The following PCIF1 variants were observed in gnomAD, a reference collection of about 807,000 sequenced individuals.
PCIF1 encodes phosphorylated CTD interacting factor 1, also known as mRNA (2'-O-methyladenosine-N(6)-)-methyltransferase.
PCIF1 carries 12 observed loss-of-function variants against 86.9 expected under a neutral mutation model. The ratio of observed to expected loss-of-function variants is 0.14; its 90% confidence interval spans 0.09 to 0.22. PCIF1 has a LOEUF of 0.22. PCIF1 is among the 10% of genes least tolerant of loss of function. The pLI, the probability that PCIF1 is intolerant of heterozygous loss-of-function variation, is 1.00. For missense variants in PCIF1, 701 were observed against 951.1 expected, an observed-to-expected ratio of 0.74 and a Z score of 3.46; for synonymous variants, 397 against 372.0, an observed-to-expected ratio of 1.07 and a Z score of -0.77.
Position 45,945,776 on chromosome 20 carries a change from T to C in PCIF1, c.1234T>C (p.Ser412Pro). Residue 412 changes from serine (S) to proline (P), a missense_variant, in exon 12 of 17, where the codon TCT (serine) becomes CCT (proline). By Grantham distance (74) the Ser-to-Pro change is moderately conservative. Coordinates refer to ENST00000372409, the MANE Select transcript of PCIF1 (RefSeq NM_022104.4). Reference protein sequence around the residue: ...VYCYPVRLAVSAPPMPSVEMH... With the variant: ...VYCYPVRLAVPAPPMPSVEMH... Reference sequence around the variant, plus strand: ...CTGCTACCCAGTCCGGCTGGCTGTGTCTGCACCGCCCATGCCCAGCGTGGA... The same window carrying C: ...CTGCTACCCAGTCCGGCTGGCTGTGCCTGCACCGCCCATGCCCAGCGTGGA... 1 of 1,613,936 alleles carries C rather than the reference T, an allele frequency of 6.2e-7. No homozygotes were observed. The highest frequency in any genetic ancestry group is 8.5e-7 in the Non-Finnish European group (1 of 1,180,030).
rs568412072 is a variant in PCIF1, at chr20:45,947,695, G to C, written c.2055G>C (p.Glu685Asp). ...GTTCTTCCTCATCGTCCTCCTCGGA[G>C]GCCAAGGACCGGGACTCGGGCCGTG... ...SSGSSSSSSS[E>D]AKDRDSGREQ... is the part of the protein sequence containing the mutation. The change falls in exon 17 of 17, where the codon GAG (glutamate) becomes GAC (aspartate). Residue 685 changes from glutamate to aspartate, a missense_variant. Physicochemically the swap from Glu to Asp is conservative, Grantham distance 45 (BLOSUM62 2). Transcript: ENST00000372409. The surrounding 1 kb of genome is among the most constrained non-coding windows in gnomAD (Gnocchi z 5.4). 1.2e-6 allele frequency: 2 copies of C among 1,609,356 alleles called. No homozygotes were observed. The highest frequency in any genetic ancestry group is 2.7e-5 in the African/African-American group (2 of 75,012).
Position 45,943,970 on chromosome 20 carries a change from AT to A in PCIF1, c.1005+208del, listed in dbSNP as rs2083499144. Among the ~76,000 whole-genome samples, 1 of 152,084 alleles carries A rather than the reference AT, an allele frequency of 6.6e-6. No individual in the cohort carries two copies. The highest frequency in any genetic ancestry group is 2.1e-4 in the South Asian group (1 of 4,828). On this transcript the variant is annotated intron_variant, in intron 10 of 16. Coordinates refer to ENST00000372409, the MANE Select transcript of PCIF1 (RefSeq NM_022104.4). This position sits in a 1 kb window ranked among gnomAD's most constrained non-coding sequence, Gnocchi z 5.5. ...GGCTCCTGGCTTTCTCCCACAGAAC[AT>A]TTCCATTAACAATCTTAATGGAGTC... is the stretch of plus-strand genomic sequence containing the variant.
Position 45,947,775 on chromosome 20 carries a change from G to C in PCIF1, c.*20G>C, listed in dbSNP as rs763212217. 7.6e-6 allele frequency: 12 copies of C among 1,588,600 alleles called. No individual in the cohort carries two copies. Among genetic ancestry groups the C allele is most frequent in the Non-Finnish European group, 9.4e-6 (11 of 1,171,422 alleles). On this transcript the variant is annotated 3_prime_UTR_variant, in exon 17 of 17. Coordinates refer to ENST00000372409, the MANE Select transcript of PCIF1 (RefSeq NM_022104.4). The surrounding 1 kb of genome is among the most constrained non-coding windows in gnomAD (Gnocchi z 5.4). ...ACTTAACATATCCTGCGGGGAGGAG[G>C]AGCCCCAGGGGTGCTAGTCTGGACT...
intron 5 of PCIF1, 46 bp from the exon 6 acceptor site, chr20:45,940,763 C>T (rs368879257): frequency 3.1e-6 from 5 of 1,604,262 alleles, no homozygotes; most frequent in African/African-American, 1.3e-5. Context: ...GATGGAGCCT[C>T]TCTGGTGAAT....
In PCIF1 at chr20:45,943,804, T is replaced by G; in HGVS notation, c.1005+39T>G. The G allele has an allele frequency of 1.3e-6, 2 of 1,506,882 alleles. No homozygotes were observed. The highest frequency in any genetic ancestry group is 1.8e-6 in the Non-Finnish European group (2 of 1,109,070). 93.3% of individuals were successfully genotyped at this position (1,506,882 alleles called of 1,614,324 possible). On this transcript the variant is annotated intron_variant, in intron 10 of 16. Coordinates refer to ENST00000372409, the MANE Select transcript of PCIF1 (RefSeq NM_022104.4). This position sits in a 1 kb window ranked among gnomAD's most constrained non-coding sequence, Gnocchi z 5.5. ...CGGGTGAGAAGGCCAGTTTTAGGGC[T>G]CTGTGGCCACTTCCTCCAGGAAGCC... is the stretch of plus-strand genomic sequence containing the variant.
At chr20:45,938,018 T>G (rs565560433) in intron 2 of PCIF1, 1 of 153,882 alleles carries the variant, frequency 6.5e-6, no homozygotes, top group Admixed American at 6.5e-5. Flanking sequence ...GGCAAAAGTT[T>G]GATTTCTTTT....
Position 45,939,227 on chromosome 20 carries a change from A to C in PCIF1, c.137A>C (p.His46Pro). ...LVQDLPEELV[H>P]AGWEKCWSRR... Reference sequence around the variant, plus strand: ...TGCCTGTTTGCAGAGGAGCTGGTGCATGCAGGCTGGGAGAAGTGCTGGAGC... The same window carrying C: ...TGCCTGTTTGCAGAGGAGCTGGTGCCTGCAGGCTGGGAGAAGTGCTGGAGC... Residue 46 changes from histidine (H) to proline (P), a missense_variant, in exon 4 of 17, where the codon CAT becomes CCT. His to Pro is a moderately conservative substitution (Grantham distance 77). Transcript: ENST00000372409. 6.2e-7 allele frequency: 1 copy of C among 1,613,950 alleles called. No homozygotes were observed.
intron 1 of PCIF1, among the ~76,000 whole-genome samples, chr20:45,935,228 C>T (rs1239630538): frequency 1.3e-5 from 2 of 151,706 alleles, no homozygotes; most frequent in African/African-American, 4.8e-5. Flanking sequence ...TCGCCTCTCG[C>T]CTTCGTGCGC....
rs2083461057 is a variant in PCIF1 at position 45,940,614 on chromosome 20, T to C, written c.387+2T>C. The C allele has an allele frequency of 6.2e-7, 1 of 1,608,228 alleles. No individual in the cohort carries two copies. Among genetic ancestry groups the C allele is most frequent in the Non-Finnish European group, 8.5e-7 (1 of 1,177,050 alleles). ...GGCAATGGTGTGAAGAAGCCCAAGGTGAGTGTCTGTGGCCAGGAGCCGGCT... is the reference window on the plus strand; with the variant it reads ...GGCAATGGTGTGAAGAAGCCCAAGGCGAGTGTCTGTGGCCAGGAGCCGGCT... On this transcript the variant is annotated splice_donor_variant, in intron 5 of 16. Coordinates refer to ENST00000372409, the MANE Select transcript of PCIF1 (RefSeq NM_022104.4). LOFTEE classifies it high-confidence loss of function.
chr20:45,939,552 C>G (rs968829490), intron 4 of PCIF1, among the ~76,000 whole-genome samples: 1 of 152,218 alleles, frequency 6.6e-6, no homozygotes, highest in African/African-American at 2.4e-5. Flanking sequence ...GGCTGCTGCA[C>G]GGTGGGTGCT....
At chr20:45,940,663 C>T in intron 5 of PCIF1, 51 bp downstream of exon 5, 1 of 1,577,090 alleles carries the variant, frequency 6.3e-7, no homozygotes, top group African/African-American at 1.4e-5. Flanking sequence ...CTCAGACGGG[C>T]CGCCTGCAGG....
chr20:45,937,868 C>T, intron 2 of PCIF1: 1 of 305,196 alleles, frequency 3.3e-6, no homozygotes, highest in Non-Finnish European at 6.0e-6. Flanking sequence ...ATCAGTGTCC[C>T]AATGATTCGT....
At chr20:45,944,312 G>T (rs1011117070) in intron 10 of PCIF1, among the ~76,000 whole-genome samples, 1 of 152,194 alleles carries the variant, frequency 6.6e-6, no homozygotes, top group Non-Finnish European at 1.5e-5. Flanking sequence ...CACGTAGAGA[G>T]TGACAAAGGT....
Position 45,934,686 on chromosome 20 carries a change from G to A in PCIF1, c.-306G>A, listed in dbSNP as rs949444285. ...GCGGTACCAGCGCATGCGCAGCGCG[G>A]AGTCCCGGCCCGGGACACAAGATGG... On this transcript the variant is annotated 5_prime_UTR_variant, in exon 1 of 17. Transcript: ENST00000372409. The A allele has an allele frequency of 2.5e-6, 1 of 398,580 alleles. No homozygotes were observed. The highest frequency in any genetic ancestry group is 4.4e-6 in the Non-Finnish European group (1 of 225,740). The allele number at this position is 398,580 out of a possible 1,614,324, so 24.7% of individuals were successfully genotyped here.
intron 2 of PCIF1, among the ~76,000 whole-genome samples, chr20:45,938,231 A>T (rs1175924429): frequency 6.6e-6 from 1 of 152,212 alleles, no homozygotes; most frequent in African/African-American, 2.4e-5. Flanking sequence ...CCTGGGGATT[A>T]TGAAGGAGTC....
chr20:45,943,468 G>A lies in PCIF1; in HGVS notation c.905+45G>A. 2 of 1,577,672 alleles carry A rather than the reference G, an allele frequency of 1.3e-6. No individual in the cohort carries two copies. Among genetic ancestry groups the A allele is most frequent in the East Asian group, 2.2e-5 (1 of 44,468 alleles). On this transcript the variant is annotated intron_variant, in intron 9 of 16. Coordinates refer to ENST00000372409, the MANE Select transcript of PCIF1 (RefSeq NM_022104.4). This position sits in a 1 kb window ranked among gnomAD's most constrained non-coding sequence, Gnocchi z 5.5. The stretch of plus-strand genomic sequence containing the variant: ...CAGGCGAGATGGGTCTGTGATTAAA[G>A]TGGCAGGTCATAGGCCATCTTGCCC...
Position 45,937,327 on chromosome 20 carries a change from A to G in PCIF1, c.-187-91A>G, listed in dbSNP as rs577717222. The G allele has an allele frequency of 1.5e-5, 6 of 398,394 alleles. No homozygotes were observed. In the South Asian group the frequency reaches 6.7e-4, roughly 44 times the overall value. 24.7% of individuals were successfully genotyped at this position (398,394 alleles called of 1,614,324 possible). A position where few individuals can be genotyped will look rare whatever the true frequency, so the allele number is the denominator to read the frequency against. The stretch of plus-strand genomic sequence containing the variant: ...CCTCTCCCGGTGTGTCCTGCCCTGG[A>G]GGCCCCCAACTTGCTCTTTGTTTTT... On this transcript the variant is annotated intron_variant, in intron 1 of 16. Coordinates refer to ENST00000372409, the MANE Select transcript of PCIF1 (RefSeq NM_022104.4).
chr20:45,934,797 C>G lies in PCIF1; in HGVS notation c.-195C>G, dbSNP rs1047994973. ...GTAGCCGCGTCCCCTCCAGTCCGCT[C>G]CGGGCAGGTAAGAGTCCCAGGAAGC... On this transcript the variant is annotated 5_prime_UTR_variant, in exon 1 of 17. Coordinates refer to ENST00000372409, the MANE Select transcript of PCIF1 (RefSeq NM_022104.4). 1 of 398,208 alleles carries G rather than the reference C, an allele frequency of 2.5e-6. No individual in the cohort carries two copies. The highest frequency in any genetic ancestry group is 2.1e-5 in the African/African-American group (1 of 48,604). 24.7% of individuals were successfully genotyped at this position (398,208 alleles called of 1,614,324 possible). A position where few individuals can be genotyped will look rare whatever the true frequency, so the allele number is the denominator to read the frequency against.
intron 1 of PCIF1, 149 bp downstream of exon 1, chr20:45,934,953 T>C (rs943721238): frequency 2.9e-5 from 11 of 382,214 alleles, no homozygotes; most frequent in African/African-American, 2.3e-4. Context: ...GACCCGCGGG[T>C]GGGCGGCCGC....
Sources: allele counts gnomAD v4.1 joint callset (sites outside exome capture counted in the v4.1 genomes callset), GRCh38; gene constraint gnomAD v4.1.1; non-coding constraint Gnocchi (gnomAD v3.1); transcripts MANE v1.5; gene names NCBI Gene and HGNC (gene_info 2026-07-23, HGNC 2026-07-21).